TSPAN11: variants seen among roughly 807,000 people sequenced by gnomAD.
TSPAN11 encodes the protein tetraspanin 11.
TSPAN11 carries 29 observed loss-of-function variants against 32.9 expected under a neutral mutation model. That is an observed-to-expected ratio of 0.88 (90% CI 0.66 to 1.20). The LOEUF (loss-of-function observed/expected upper bound fraction) is 1.20, where lower values mean the gene tolerates loss of function less well. Among genes scored for constraint, TSPAN11 ranks in the 50% most tolerant of loss-of-function variants. The pLI, the probability that TSPAN11 is intolerant of heterozygous loss-of-function variation, is 0.00. For missense variants in TSPAN11, 283 were observed against 329.1 expected, an observed-to-expected ratio of 0.86 and a Z score of 1.08; for synonymous variants, 140 against 141.3, an observed-to-expected ratio of 0.99 and a Z score of 0.07.
chr12:30,979,600 C>T lies in TSPAN11; in HGVS notation c.386C>T (p.Thr129Ile). The T allele has an allele frequency of 4.3e-6, 7 of 1,614,206 alleles. No homozygotes were observed. Among genetic ancestry groups the T allele is most frequent in the Non-Finnish European group, 5.9e-6 (7 of 1,180,042 alleles). ...GAACTGAAGCAGCACTTGAACCGGA[C>T]TCTGGCTGAGAACTACGGGCAGCCC... ...SDELKQHLNR[T>I]LAENYGQPGA... Residue 129 changes from threonine to isoleucine, a missense_variant, in exon 5 of 8, where the codon ACT becomes ATT. Coordinates refer to ENST00000546076, the MANE Select transcript of TSPAN11 (RefSeq NM_001370302.1).
chr12:30,986,224 A>G (rs1305569720), intron 7 of TSPAN11, among the ~76,000 whole-genome samples: 4 of 152,208 alleles, frequency 2.6e-5, no homozygotes, highest in Non-Finnish European at 5.9e-5. Flanking sequence ...AATGTTCCCC[A>G]GCCCCCAGCT....
At chr12:31,004,234 G>A in the TSPAN11 span, among the ~76,000 whole-genome samples, 1 of 152,126 alleles carries the variant, frequency 6.6e-6, no homozygotes, top group Non-Finnish European at 1.5e-5. Context: ...AGTTCTGAGG[G>A]GTGCATCCTG....
At chr12:30,944,694 T>C (rs1385374627) in intron 1 of TSPAN11, among the ~76,000 whole-genome samples, 1 of 152,238 alleles carries the variant, frequency 6.6e-6, no homozygotes, top group African/African-American at 2.4e-5. Context: ...TGTTTGGTCT[T>C]TTAAAAGAAG....
the TSPAN11 span, among the ~76,000 whole-genome samples, chr12:31,005,000 G>A: frequency 1.3e-5 from 2 of 152,210 alleles, no homozygotes; most frequent in Non-Finnish European, 2.9e-5. Context: ...GCCAGGACTG[G>A]CAGGACCCCT....
chr12:30,930,068 T>A (rs1937888690), intron 1 of TSPAN11, among the ~76,000 whole-genome samples: 1 of 152,208 alleles, frequency 6.6e-6, no homozygotes, highest in Non-Finnish European at 1.5e-5. Context: ...CTGGACCCTC[T>A]GTTCATTCCA....
At chr12:30,986,221 C>T (rs1351337907) in intron 7 of TSPAN11, among the ~76,000 whole-genome samples, 1 of 152,190 alleles carries the variant, frequency 6.6e-6, no homozygotes, top group Non-Finnish European at 1.5e-5. Flanking sequence ...CATAATGTTC[C>T]CCAGCCCCCA....
At chr12:30,934,627 A>T (rs1014696786) in intron 1 of TSPAN11, among the ~76,000 whole-genome samples, 1 of 147,676 alleles carries the variant, frequency 6.8e-6, no homozygotes, top group Non-Finnish European at 1.5e-5. Flanking sequence ...TTAAAATATT[A>T]TGAGATTTTT....
intron 1 of TSPAN11, among the ~76,000 whole-genome samples, chr12:30,932,406 C>T (rs548628126): frequency 6.6e-5 from 10 of 152,264 alleles, no homozygotes; most frequent in South Asian, 2.1e-4. Context: ...CATATATGCA[C>T]GTGTATTTTG....
chr12:30,960,549 C>T (rs1050162944), intron 2 of TSPAN11, among the ~76,000 whole-genome samples: 6 of 152,042 alleles, frequency 3.9e-5, no homozygotes, highest in East Asian at 3.9e-4. Flanking sequence ...TTATTTCTCT[C>T]GGCCCCTCAG....
intron 3 of TSPAN11, among the ~76,000 whole-genome samples, chr12:30,972,137 G>A (rs557793743): frequency 5.9e-5 from 9 of 152,300 alleles, no homozygotes; most frequent in African/African-American, 1.9e-4. Flanking sequence ...GTTTCCGTCA[G>A]ACCACAGGGG....
At chr12:30,953,217 G>A (rs978943181) in intron 1 of TSPAN11, among the ~76,000 whole-genome samples, 3 of 152,164 alleles carry the variant, frequency 2.0e-5, no homozygotes, top group African/African-American at 7.2e-5. Flanking sequence ...ACATGCCAAG[G>A]ACTATGTTAA....
At chr12:30,981,486 A>G (rs530671242) in intron 5 of TSPAN11, among the ~76,000 whole-genome samples, 1 of 152,302 alleles carries the variant, frequency 6.6e-6, no homozygotes, top group African/African-American at 2.4e-5. Flanking sequence ...ATCAGGTGGC[A>G]CCAGCACAGA....
intron 5 of TSPAN11, 57 bp downstream of exon 5, chr12:30,979,727 C>T: frequency 6.4e-7 from 1 of 1,570,422 alleles, no homozygotes; most frequent in East Asian, 2.2e-5. Flanking sequence ...CAAATCCCGA[C>T]TGTTCTTTCC....
At chr12:30,964,880 T>C (rs1161031336) in intron 3 of TSPAN11, among the ~76,000 whole-genome samples, 1 of 152,244 alleles carries the variant, frequency 6.6e-6, no homozygotes, top group Admixed American at 6.5e-5. Context: ...GCTTATCTCC[T>C]ACGTCTCCTA....
intron 7 of TSPAN11, among the ~76,000 whole-genome samples, chr12:30,984,660 G>T (rs547233124): frequency 7.1e-6 from 1 of 141,250 alleles, no homozygotes; most frequent in African/African-American, 2.7e-5. Context: ...CCAGGTTCAA[G>T]CAATTCTCCT....
chr12:30,991,765 C>T (rs1939315793), intron 7 of TSPAN11, 91 bp from the exon 8 acceptor site: 8 of 1,400,264 alleles, frequency 5.7e-6, no homozygotes, highest in Middle Eastern at 1.8e-4. Context: ...CCAGGGTATT[C>T]GAGTGAGCAG....
At chr12:30,940,694 G>A (rs1240086447) in intron 1 of TSPAN11, among the ~76,000 whole-genome samples, 2 of 152,060 alleles carry the variant, frequency 1.3e-5, no homozygotes, top group African/African-American at 2.4e-5. Flanking sequence ...TGTAACATGC[G>A]GACAATGCGC....
chr12:30,930,820 A>G (rs1937906127), intron 1 of TSPAN11, among the ~76,000 whole-genome samples: 2 of 152,038 alleles, frequency 1.3e-5, no homozygotes, highest in African/African-American at 4.8e-5. Context: ...CCAGTCAAGC[A>G]CTCCCTTTCT....
chr12:30,938,230 G>A (rs1462602534), intron 1 of TSPAN11, among the ~76,000 whole-genome samples: 1 of 152,196 alleles, frequency 6.6e-6, no homozygotes. Context: ...AGATCACTAA[G>A]GCTTGTCTGT....
Sources: allele counts gnomAD v4.1 joint callset (sites outside exome capture counted in the v4.1 genomes callset), GRCh38; gene constraint gnomAD v4.1.1; transcripts MANE v1.5; gene names NCBI Gene and HGNC (gene_info 2026-07-23, HGNC 2026-07-21).